The following GRIN2B variants were observed in gnomAD, a reference collection of about 807,000 sequenced individuals.
The protein encoded by GRIN2B is glutamate ionotropic receptor NMDA type subunit 2B, also known as glutamate receptor ionotropic, NMDA 2B.
In GRIN2B, 5 loss-of-function variants were observed where a neutral mutation model predicts 114.5. The ratio of observed to expected loss-of-function variants is 0.04; its 90% CI spans 0.02 to 0.09. GRIN2B has a LOEUF of 0.09. Among genes scored for constraint, GRIN2B ranks in the 10% least tolerant of loss-of-function variants. The probability of loss-of-function intolerance (pLI) is 1.00; values close to 1 mark genes in which losing one functional copy is unlikely to be tolerated. For missense variants in GRIN2B, 1,108 were observed against 1,943.5 expected (o/e 0.57, Z 8.08); for synonymous variants, 787 against 745.1 (o/e 1.06, Z -0.92).
intron 3 of GRIN2B, among the ~76,000 whole-genome samples, chr12:13,822,237 A>G (rs1864953658): frequency 6.6e-6 from 1 of 152,204 alleles, no homozygotes; most frequent in African/African-American, 2.4e-5. Context: ...GTTAAAAATA[A>G]TGTTACCACT....
intron 4 of GRIN2B, among the ~76,000 whole-genome samples, chr12:13,703,247 T>C (rs1950328172): frequency 6.6e-6 from 1 of 152,174 alleles, no homozygotes; most frequent in Admixed American, 6.5e-5. Flanking sequence ...AAAGAAAAGA[T>C]AACAGGCCTT....
intron 4 of GRIN2B, among the ~76,000 whole-genome samples, chr12:13,694,965 A>T (rs916650654): frequency 6.6e-6 from 1 of 151,818 alleles, no homozygotes. Context: ...ACTTGAGGCT[A>T]TGTGTGCTCC....
intron 4 of GRIN2B, among the ~76,000 whole-genome samples, chr12:13,745,805 G>A (rs1863369662): frequency 6.6e-6 from 1 of 152,176 alleles, no homozygotes; most frequent in South Asian, 2.1e-4. Context: ...AGGCAGATCA[G>A]GTCAGTCTGG....
intron 2 of GRIN2B, among the ~76,000 whole-genome samples, chr12:13,869,592 T>C (rs10744042): frequency 0.97 from 147,575 of 152,292 alleles, 71,657 homozygotes; most frequent in East Asian, 1. Flanking sequence ...CATACTTTCC[T>C]TTTATTACAA....
At chr12:13,651,557 A>G (rs6488615) in intron 5 of GRIN2B, among the ~76,000 whole-genome samples, 146,426 of 152,166 alleles carry the variant, frequency 0.96, 70,683 homozygotes, top group South Asian at 1. Flanking sequence ...TTTTATAGGC[A>G]TTTGTAGAAA....
At chr12:13,894,897 A>C (rs1866329386) in intron 2 of GRIN2B, among the ~76,000 whole-genome samples, 1 of 152,200 alleles carries the variant, frequency 6.6e-6, no homozygotes, top group Non-Finnish European at 1.5e-5. Flanking sequence ...GTCTAGGGTC[A>C]CATATTTCCC....
At chr12:13,756,325 C>T (rs1208908344) in intron 3 of GRIN2B, among the ~76,000 whole-genome samples, 1 of 152,156 alleles carries the variant, frequency 6.6e-6, no homozygotes, top group African/African-American at 2.4e-5. Context: ...AATTTCTGTT[C>T]TTTATAAGTT....
chr12:13,642,189 AAAACAAAC>A (rs35583863), intron 5 of GRIN2B, among the ~76,000 whole-genome samples: 37,191 of 149,640 alleles, frequency 0.25, 5,544 homozygotes, highest in Middle Eastern at 0.42. Flanking sequence ...ACTCTGTCTC[AAAACAAAC>A]AAACAAACAA....
chr12:13,810,027 G>C (rs1397020770), intron 3 of GRIN2B, among the ~76,000 whole-genome samples: 2 of 152,060 alleles, frequency 1.3e-5, no homozygotes, highest in Non-Finnish European at 2.9e-5. Context: ...TCTGCTTGCT[G>C]TTCTGAACCC....
chr12:13,821,975 A>T (rs986093629), intron 3 of GRIN2B, among the ~76,000 whole-genome samples: 7 of 152,218 alleles, frequency 4.6e-5, no homozygotes, highest in African/African-American at 1.7e-4. Context: ...GATCTCAGCC[A>T]TGAAATATGT....
chr12:13,627,252 A>G (rs1949577767), intron 5 of GRIN2B, among the ~76,000 whole-genome samples: 1 of 152,100 alleles, frequency 6.6e-6, no homozygotes, highest in Admixed American at 6.5e-5. Flanking sequence ...CCACATTCCC[A>G]TTGTGAGTTC....
intron 5 of GRIN2B, among the ~76,000 whole-genome samples, chr12:13,653,992 AT>A (rs1949841272): frequency 6.6e-6 from 1 of 152,146 alleles, no homozygotes; most frequent in African/African-American, 2.4e-5. Flanking sequence ...TCACAAAAAA[AT>A]GTTATGCAAC....
chr12:13,957,614 G>A (rs1436886995), intron 2 of GRIN2B, among the ~76,000 whole-genome samples: 1 of 152,150 alleles, frequency 6.6e-6, no homozygotes, highest in Non-Finnish European at 1.5e-5. Context: ...ACACAGGAAC[G>A]AGTGCTGAGC....
chr12:13,849,347 GACA>G (rs764983194), intron 3 of GRIN2B, among the ~76,000 whole-genome samples: 2 of 152,054 alleles, frequency 1.3e-5, no homozygotes, highest in African/African-American at 2.4e-5. Flanking sequence ...ACAGCCGTTG[GACA>G]ACTTCAGGTA....
chr12:13,685,163 C>A (rs1950166321), intron 4 of GRIN2B, among the ~76,000 whole-genome samples: 1 of 152,146 alleles, frequency 6.6e-6, no homozygotes, highest in South Asian at 2.1e-4. Flanking sequence ...TCTCCATTTC[C>A]TCAATTTGTC....
At chr12:13,952,231 C>T (rs529846673) in intron 2 of GRIN2B, among the ~76,000 whole-genome samples, 1 of 152,272 alleles carries the variant, frequency 6.6e-6, no homozygotes, top group East Asian at 1.9e-4. Flanking sequence ...AGAAAAAAGA[C>T]TCAACCCAAT....
In GRIN2B at chr12:13,866,053, A is replaced by T; in HGVS notation, c.156T>A (p.Asp52Glu). The change falls in exon 3 of 14, where the codon GAT (aspartate) becomes GAA (glutamate). Residue 52 changes from aspartate to glutamate, a missense_variant. This residue lies in a region of GRIN2B where 199 missense variants were observed against 439.6 expected (regional missense o/e 0.45). Transcript: ENST00000609686. ...VGTSDEVAIKDAHEKDDFHHL... is the reference protein window; with the variant it reads ...VGTSDEVAIKEAHEKDDFHHL... ...GGTGGAAATCATCTTTCTCGTGGGC[A>T]TCCTTGATGGCCACCTCGTCGGAAG... 6.2e-7 allele frequency: 1 copy of T among 1,614,130 alleles called. No individual in the cohort carries two copies. The highest frequency in any genetic ancestry group is 2.2e-5 in the East Asian group (1 of 44,846).
intron 3 of GRIN2B, among the ~76,000 whole-genome samples, chr12:13,793,773 C>T (rs1011798043): frequency 2.0e-5 from 3 of 152,126 alleles, no homozygotes; most frequent in Non-Finnish European, 4.4e-5. Context: ...CAGGGGGATT[C>T]TTCACACTCT....
intron 2 of GRIN2B, among the ~76,000 whole-genome samples, chr12:13,964,020 T>G (rs548396382): frequency 6.6e-6 from 1 of 152,304 alleles, no homozygotes; most frequent in East Asian, 1.9e-4. Context: ...GATGGAGACT[T>G]AATCTCTGGC....
Sources: allele counts gnomAD v4.1 joint callset (sites outside exome capture counted in the v4.1 genomes callset), GRCh38; gene constraint gnomAD v4.1.1; regional missense constraint gnomAD v4.1.1; transcripts MANE v1.5; gene names NCBI Gene and HGNC (gene_info 2026-07-23, HGNC 2026-07-21).